Variants in GIGYF2 observed in about 807,000 individuals in gnomAD.
GIGYF2 encodes the protein GRB10-interacting GYF protein 2.
Under a neutral mutation model 208.1 loss-of-function variants are expected in GIGYF2, and 25 were observed. The observed-to-expected ratio is 0.12, with a 90% CI of 0.09 to 0.17. The LOEUF is 0.17. Ranked by LOEUF, GIGYF2 falls within the 10% of genes least tolerant of loss-of-function variation. The pLI is 1.00. For missense variants in GIGYF2, 1,302 were observed against 1,579.4 expected, an observed-to-expected ratio of 0.82 and a Z score of 2.98; for synonymous variants, 534 against 543.8, an observed-to-expected ratio of 0.98 and a Z score of 0.25.
At chr2:232,817,114 C>T (rs1052924299) in intron 20 of GIGYF2, 82 bp downstream of exon 20, 1 of 1,028,042 alleles carries the variant, frequency 9.7e-7, no homozygotes, top group Non-Finnish European at 1.5e-6. Context: ...TTCACAGATA[C>T]TCCTGAAGTC....
intron 2 of GIGYF2, among the ~76,000 whole-genome samples, chr2:232,715,759 A>G (rs1696647520): frequency 6.6e-6 from 1 of 152,038 alleles, no homozygotes; most frequent in Non-Finnish European, 1.5e-5. Flanking sequence ...TAGTATTGCC[A>G]GATGAGGTGG....
chr2:232,754,965 A>C (rs1401049593), intron 5 of GIGYF2, among the ~76,000 whole-genome samples: 1 of 152,132 alleles, frequency 6.6e-6, no homozygotes, highest in Non-Finnish European at 1.5e-5. Flanking sequence ...AATTCTGAAA[A>C]AACTAGCTAG....
rs1281790679 is a variant in GIGYF2 at position 232,836,306 on chromosome 2, A to ACT, written c.2766+3213_2766+3214insCT. ...TATATATATATATATATATATATAT[A>ACT]TATATATATATATATATATATATAC... On this transcript the variant is annotated intron_variant, in intron 22 of 28. Transcript: ENST00000373563. Among the ~76,000 whole-genome samples the ACT allele has an allele frequency of 9.4e-3, 189 of 20,128 alleles. 31 individuals are homozygous for ACT. Among genetic ancestry groups the ACT allele is most frequent in the African/African-American group, 0.027 (163 of 5,998 alleles). The allele number at this position is 20,128 out of a possible 152,430, so 13.2% of individuals were successfully genotyped here. A position where few individuals can be genotyped will look rare whatever the true frequency, so the allele number is the denominator to read the frequency against.
At chr2:232,807,213 G>A (rs114104442) in intron 15 of GIGYF2, among the ~76,000 whole-genome samples, 57 of 152,222 alleles carry the variant, frequency 3.7e-4, no homozygotes, top group Admixed American at 7.2e-4. Context: ...TTAGTTACTG[G>A]TATTTTAATT....
At chr2:232,768,290 A>C in intron 8 of GIGYF2, 1 of 1,614,158 alleles carries the variant, frequency 6.2e-7, no homozygotes, top group African/African-American at 1.3e-5. Flanking sequence ...TAGAAACCAG[A>C]GGAGTTGGAA....
At chr2:232,814,558 A>C (rs959633535) in intron 18 of GIGYF2, among the ~76,000 whole-genome samples, 53 of 74,782 alleles carry the variant, frequency 7.1e-4, no homozygotes, top group Admixed American at 1.1e-3. Context: ...GTGAGACTCC[A>C]CCTCAAACCC....
At chr2:232,825,086 C>G (rs927900969) in intron 21 of GIGYF2, among the ~76,000 whole-genome samples, 1 of 152,222 alleles carries the variant, frequency 6.6e-6, no homozygotes, top group Non-Finnish European at 1.5e-5. Context: ...GACAATGCCC[C>G]TAGTCATCCA....
chr2:232,722,944 CTTTA>C (rs1303403259), intron 2 of GIGYF2, among the ~76,000 whole-genome samples: 3 of 152,010 alleles, frequency 2.0e-5, no homozygotes, highest in Admixed American at 6.6e-5. Context: ...CCTCAGTTTC[CTTTA>C]TTTTTGTTTT....
chr2:232,832,483 AT>A (rs1215478290), intron 21 of GIGYF2, among the ~76,000 whole-genome samples: 5 of 152,162 alleles, frequency 3.3e-5, no homozygotes, highest in African/African-American at 1.2e-4. Flanking sequence ...GGTAATCAGC[AT>A]TCTTAAAAGG....
intron 2 of GIGYF2, among the ~76,000 whole-genome samples, chr2:232,710,399 G>A (rs1290192180): frequency 2.0e-5 from 3 of 152,246 alleles, no homozygotes; most frequent in East Asian, 1.9e-4. Context: ...ATCTTTGTGC[G>A]TTTTGAATAG....
intron 6 of GIGYF2, among the ~76,000 whole-genome samples, chr2:232,757,580 T>C (rs113542866): frequency 0.011 from 1,655 of 152,276 alleles, 27 homozygotes; most frequent in African/African-American, 0.038. Context: ...TGACCACTTA[T>C]GGCTCTGGCC....
chr2:232,786,792 T>C (rs953183870), intron 8 of GIGYF2, among the ~76,000 whole-genome samples: 3 of 152,196 alleles, frequency 2.0e-5, no homozygotes, highest in Non-Finnish European at 4.4e-5. Context: ...TATGTATACA[T>C]GTGTAAGTGT....
chr2:232,760,797 A>T, intron 7 of GIGYF2: 1 of 518,950 alleles, frequency 1.9e-6, no homozygotes. Context: ...AGGTTAATAT[A>T]TGAGTGCCAG....
intron 14 of GIGYF2, among the ~76,000 whole-genome samples, chr2:232,798,229 A>C (rs536882866): frequency 6.6e-5 from 10 of 152,204 alleles, no homozygotes; most frequent in Non-Finnish European, 1.5e-4. Context: ...GTTGTTGCAT[A>C]TATCAGTAGC....
At position 232,794,802 on chromosome 2, in the gene GIGYF2, C is replaced by G. The variant is rs753958078; in HGVS notation, c.1337C>G (p.Ser446Cys). The G allele has an allele frequency of 1.2e-6, 2 of 1,613,916 alleles. No individual in the cohort carries two copies. The highest frequency in any genetic ancestry group is 3.3e-5 in the Admixed American group (2 of 60,008). ...PLSQIPSDTASPLLILPPPVP... is the reference protein window; with the variant it reads ...PLSQIPSDTACPLLILPPPVP... ...TCGCAGATTCCTTCAGATACAGCCT[C>G]TCCTCTTCTCATACTTCCACCTCCT... is the stretch of plus-strand genomic sequence containing the variant. The change falls in exon 13 of 29, where the codon TCT (serine) becomes TGT (cysteine). Residue 446 changes from serine to cysteine, a missense_variant. Around this residue, in one of 8 missense-constraint regions of GIGYF2, gnomAD observed 235 missense variants for 218.8 expected, o/e 1.07. Coordinates refer to ENST00000373563, the MANE Select transcript of GIGYF2 (RefSeq NM_001103146.3).
intron 14 of GIGYF2, 58 bp downstream of exon 14, chr2:232,796,279 C>CT (rs1336615163): frequency 3.7e-6 from 4 of 1,079,568 alleles, no homozygotes; most frequent in Non-Finnish European, 5.8e-6. Context: ...TCCAGAATCT[C>CT]TAAGAAGGGA....
At chr2:232,846,612 G>A (rs1317784552) in intron 26 of GIGYF2, among the ~76,000 whole-genome samples, 1 of 152,214 alleles carries the variant, frequency 6.6e-6, no homozygotes. Flanking sequence ...TGGTTTAAAA[G>A]CCTACAGAGA....
At chr2:232,738,276 G>A (rs1008206084) in intron 3 of GIGYF2, among the ~76,000 whole-genome samples, 2 of 151,942 alleles carry the variant, frequency 1.3e-5, no homozygotes, top group Admixed American at 6.6e-5. Context: ...TTTCTACTTA[G>A]AATAAAAAAG....
intron 19 of GIGYF2, among the ~76,000 whole-genome samples, chr2:232,816,111 A>G (rs923911376): frequency 1.2e-4 from 19 of 152,158 alleles, no homozygotes; most frequent in African/African-American, 4.1e-4. Context: ...GAATCTTTGT[A>G]GTGGTATTTG....
Sources: gnomAD v4.1 joint callset for allele counts (sites outside exome capture counted in the v4.1 genomes callset) on GRCh38, gnomAD v4.1.1 for gene constraint, gnomAD v4.1.1 regional missense constraint, MANE v1.5 for transcripts, NCBI Gene and HGNC (gene_info 2026-07-23, HGNC 2026-07-21) for gene names.